Variants in SLC8A1 observed in about 807,000 individuals in gnomAD.
SLC8A1 encodes solute carrier family 8 member A1.
Under a neutral mutation model 68.3 loss-of-function variants are expected in SLC8A1, and 18 were observed. The observed-to-expected ratio is 0.26, with a 90% CI of 0.18 to 0.39. The LOEUF (loss-of-function observed/expected upper bound fraction) is 0.39, where lower values mean the gene tolerates loss of function less well. SLC8A1 is among the 10% of genes least tolerant of loss of function. The probability of loss-of-function intolerance (pLI) is 1.00; values close to 1 mark genes in which losing one functional copy is unlikely to be tolerated. For missense variants in SLC8A1, 985 were observed against 1,156.7 expected (o/e 0.85, Z 2.15); for synonymous variants, 475 against 415.5 (o/e 1.14, Z -1.74).
At chr2:40,356,532 A>G (rs1027472751) in intron 2 of SLC8A1, among the ~76,000 whole-genome samples, 1 of 152,206 alleles carries the variant, frequency 6.6e-6, no homozygotes, top group African/African-American at 2.4e-5. Flanking sequence ...AAGAAAAAAA[A>G]AACTGCCTTT....
chr2:40,358,870 G>C (rs1400804042), intron 2 of SLC8A1, among the ~76,000 whole-genome samples: 1 of 152,146 alleles, frequency 6.6e-6, no homozygotes, highest in Non-Finnish European at 1.5e-5. Context: ...GCTTCTACAA[G>C]ACTGAAGGCA....
intron 2 of SLC8A1, chr2:40,337,360 G>A (rs13406526): frequency 0.11 from 35,410 of 331,472 alleles, 3,019 homozygotes; most frequent in African/African-American, 0.29. Flanking sequence ...AGACAGCTCA[G>A]TCGTACAGAG....
chr2:40,451,176 G>C (rs1352370546), intron 1 of SLC8A1, among the ~76,000 whole-genome samples: 1 of 152,172 alleles, frequency 6.6e-6, no homozygotes, highest in African/African-American at 2.4e-5. Context: ...TCCCCCAAGA[G>C]CCAGCAAAGC....
intron 2 of SLC8A1, among the ~76,000 whole-genome samples, chr2:40,390,654 C>T (rs908767681): frequency 6.6e-6 from 1 of 152,218 alleles, no homozygotes; most frequent in East Asian, 1.9e-4. Flanking sequence ...ACAGATCATG[C>T]TGTTGAAATG....
intron 2 of SLC8A1, among the ~76,000 whole-genome samples, chr2:40,407,962 C>T (rs1690900817): frequency 6.6e-6 from 1 of 152,174 alleles, no homozygotes; most frequent in Non-Finnish European, 1.5e-5. Flanking sequence ...TTTATTCACT[C>T]ACAAATGCAG....
chr2:40,373,175 T>TTGTA (rs946610524), intron 2 of SLC8A1, among the ~76,000 whole-genome samples: 1 of 151,762 alleles, frequency 6.6e-6, no homozygotes, highest in African/African-American at 2.4e-5. Context: ...AGGTTTTGTG[T>TTGTA]TGTAATATTA....
In SLC8A1 at chr2:40,244,381, C is replaced by A. The variant is rs368970865; in HGVS notation, c.1809-66526G>T. Among the ~76,000 whole-genome samples the A allele has an allele frequency of 2.6e-5, 4 of 152,180 alleles. No homozygotes were observed. In the East Asian group the frequency reaches 7.8e-4, roughly 30 times the overall value. On this transcript the variant is annotated intron_variant, in intron 2 of 7. Transcript: ENST00000406785. ...TTTCCCAACAACACTAAGGTAATGA[C>A]AGCCTTTCCTGCTGACCTATGAAGG...
At chr2:40,294,619 G>A (rs1490401358) in intron 2 of SLC8A1, among the ~76,000 whole-genome samples, 4 of 152,114 alleles carry the variant, frequency 2.6e-5, no homozygotes, top group African/African-American at 4.8e-5. Context: ...TCAACCAAGC[G>A]TAGTCACCTC....
intron 2 of SLC8A1, among the ~76,000 whole-genome samples, chr2:40,256,575 G>A (rs1238012370): frequency 2.0e-5 from 3 of 152,038 alleles, no homozygotes; most frequent in Non-Finnish European, 2.9e-5. Context: ...TAAATTATTC[G>A]TTCCCTTTTG....
chr2:40,139,762 C>G (rs2041210131), intron 6 of SLC8A1, 86 bp from the exon 10 acceptor site: 1 of 1,390,666 alleles, frequency 7.2e-7, no homozygotes, highest in Non-Finnish European at 9.9e-7. Context: ...CTAGGTCGGT[C>G]ATCCCTCCAC....
intron 2 of SLC8A1, among the ~76,000 whole-genome samples, chr2:40,413,866 A>G (rs550544040): frequency 6.6e-6 from 1 of 152,322 alleles, no homozygotes; most frequent in East Asian, 1.9e-4. Context: ...TTCTTAAACT[A>G]TAGGTTGACC....
At chr2:40,193,403 T>A (rs1054396661) in intron 2 of SLC8A1, among the ~76,000 whole-genome samples, 1 of 152,100 alleles carries the variant, frequency 6.6e-6, no homozygotes, top group African/African-American at 2.4e-5. Flanking sequence ...AGAGAAGGGA[T>A]AGGCATGTAA....
intron 2 of SLC8A1, among the ~76,000 whole-genome samples, chr2:40,299,315 G>A (rs928330018): frequency 6.6e-6 from 1 of 152,164 alleles, no homozygotes; most frequent in Non-Finnish European, 1.5e-5. Flanking sequence ...TGATCTGCCT[G>A]CATTCTACAG....
At chr2:40,377,575 G>A (rs1422254305) in intron 2 of SLC8A1, among the ~76,000 whole-genome samples, 3 of 151,724 alleles carry the variant, frequency 2.0e-5, no homozygotes, top group African/African-American at 7.3e-5. Context: ...CTAGAGCAGA[G>A]CTCAAAGTGA....
chr2:40,359,555 A>T (rs1238651330), intron 2 of SLC8A1, among the ~76,000 whole-genome samples: 2 of 152,140 alleles, frequency 1.3e-5, no homozygotes, highest in Non-Finnish European at 2.9e-5. Context: ...GAGAAAAATG[A>T]TCTGTGTACT....
At chr2:40,343,102 A>T (rs923825566) in intron 2 of SLC8A1, among the ~76,000 whole-genome samples, 1 of 152,174 alleles carries the variant, frequency 6.6e-6, no homozygotes, top group African/African-American at 2.4e-5. Flanking sequence ...TTCTATTAAA[A>T]AAAGGAAGAC....
At chr2:40,113,304 G>A (rs1188318588) in exon 8 of SLC8A1, 2 of 152,732 alleles carry the variant, frequency 1.3e-5, no homozygotes, top group African/African-American at 4.8e-5. Context: ...TCTCCAGCCT[G>A]GGATTCCTTA....
intron 2 of SLC8A1, among the ~76,000 whole-genome samples, chr2:40,333,511 T>C (rs1165200466): frequency 6.6e-6 from 1 of 151,594 alleles, no homozygotes; most frequent in Non-Finnish European, 1.5e-5. Flanking sequence ...ATAAGAATGT[T>C]GAGGTAACCA....
chr2:40,463,851 C>G (rs866479494), intron 1 of SLC8A1, among the ~76,000 whole-genome samples: 1 of 106,928 alleles, frequency 9.4e-6, no homozygotes, highest in African/African-American at 4.0e-5. Context: ...CACACACACA[C>G]ACACACACAC....
Sources: allele counts gnomAD v4.1 joint callset (sites outside exome capture counted in the v4.1 genomes callset), GRCh38; gene constraint gnomAD v4.1.1; transcripts MANE v1.5; gene names NCBI Gene and HGNC (gene_info 2026-07-23, HGNC 2026-07-21).